Variants in PTPRK observed in about 807,000 individuals in gnomAD.
The protein encoded by PTPRK is protein tyrosine phosphatase receptor type K.
A neutral mutation model predicts 178.0 loss-of-function variants in PTPRK; 75 were observed. The observed-to-expected ratio is 0.42, with a 90% CI of 0.35 to 0.51. The LOEUF (loss-of-function observed/expected upper bound fraction) is 0.51, where lower values mean the gene tolerates loss of function less well. Ranked by LOEUF, PTPRK falls within the 20% of genes least tolerant of loss-of-function variation. The pLI is 0.02. For missense variants in PTPRK, 1,441 were observed against 1,797.8 expected (o/e 0.80, Z 3.59); for synonymous variants, 637 against 620.6 (o/e 1.03, Z -0.39).
chr6:128,223,428 G>C (rs1342186597), intron 5 of PTPRK, among the ~76,000 whole-genome samples: 2 of 151,862 alleles, frequency 1.3e-5, no homozygotes, highest in Non-Finnish European at 2.9e-5. Context: ...ACAACTCAGA[G>C]AGGCTGAGGG....
At chr6:128,195,726 C>T (rs934264608) in intron 6 of PTPRK, among the ~76,000 whole-genome samples, 2 of 151,966 alleles carry the variant, frequency 1.3e-5, no homozygotes, top group Non-Finnish European at 2.9e-5. Flanking sequence ...AACTCCAAAG[C>T]AGTCATAGTT....
intron 2 of PTPRK, among the ~76,000 whole-genome samples, chr6:128,391,242 T>C (rs1839514235): frequency 3.9e-5 from 6 of 152,174 alleles, no homozygotes; most frequent in Admixed American, 3.3e-4. Flanking sequence ...CTATATCCAG[T>C]ACTTTTTGAG....
chr6:128,055,060 A>G (rs1779669264), intron 13 of PTPRK, among the ~76,000 whole-genome samples: 1 of 152,206 alleles, frequency 6.6e-6, no homozygotes, highest in Non-Finnish European at 1.5e-5. Context: ...AGTTAAAAAA[A>G]TCCTATCACA....
At chr6:128,510,254 T>C (rs1856974861) in intron 1 of PTPRK, among the ~76,000 whole-genome samples, 1 of 152,194 alleles carries the variant, frequency 6.6e-6, no homozygotes. Context: ...TGGCCTCAAC[T>C]GGCACAGCCA....
At chr6:128,450,567 C>T (rs1847659021) in intron 1 of PTPRK, among the ~76,000 whole-genome samples, 2 of 152,132 alleles carry the variant, frequency 1.3e-5, no homozygotes, top group South Asian at 4.1e-4. Context: ...AGGTCAAAAC[C>T]ATTTCCACGT....
intron 1 of PTPRK, among the ~76,000 whole-genome samples, chr6:128,437,054 T>C (rs1435717320): frequency 6.6e-6 from 1 of 152,166 alleles, no homozygotes; most frequent in Non-Finnish European, 1.5e-5. Flanking sequence ...TCACTCCATC[T>C]TGAATGAAGG....
intron 1 of PTPRK, among the ~76,000 whole-genome samples, chr6:128,517,554 C>T (rs1292454518): frequency 6.6e-6 from 1 of 152,064 alleles, no homozygotes. Context: ...ATTTACAGAA[C>T]GTTCTGGTTT....
At chr6:127,970,402 C>T (rs1773772812) in intron 29 of PTPRK, 122 bp from the exon 30 acceptor site, 3 of 650,586 alleles carry the variant, frequency 4.6e-6, no homozygotes, top group Non-Finnish European at 7.4e-6. Context: ...TTTATTTTTT[C>T]TATATATGAG....
At chr6:128,406,058 A>G (rs1017965840) in intron 1 of PTPRK, among the ~76,000 whole-genome samples, 1 of 151,904 alleles carries the variant, frequency 6.6e-6, no homozygotes, top group African/African-American at 2.4e-5. Flanking sequence ...AGAGTTGGAG[A>G]CTACCCTGGG....
At chr6:128,428,351 A>C (rs1299479166) in intron 1 of PTPRK, among the ~76,000 whole-genome samples, 1 of 152,232 alleles carries the variant, frequency 6.6e-6, no homozygotes, top group African/African-American at 2.4e-5. Flanking sequence ...GCACATCATT[A>C]GTAGACTACT....
chr6:128,050,490 CTTTA>C (rs1200232317), intron 13 of PTPRK, among the ~76,000 whole-genome samples: 2 of 152,148 alleles, frequency 1.3e-5, no homozygotes, highest in East Asian at 1.9e-4. Flanking sequence ...TTCTCAGTGA[CTTTA>C]TTTGTCTCAA....
chr6:128,479,927 C>G (rs1277876186), intron 1 of PTPRK, among the ~76,000 whole-genome samples: 1 of 152,112 alleles, frequency 6.6e-6, no homozygotes, highest in Non-Finnish European at 1.5e-5. Flanking sequence ...AAGGCAGTTG[C>G]CCAGAATCCA....
At chr6:128,247,505 G>T (rs900349150) in intron 3 of PTPRK, among the ~76,000 whole-genome samples, 1 of 151,968 alleles carries the variant, frequency 6.6e-6, no homozygotes, top group Non-Finnish European at 1.5e-5. Flanking sequence ...TTTTTGTAGA[G>T]ACGGGGTTTT....
Position 128,115,246 on chromosome 6 carries a change from A to G in PTPRK, c.1163-25254T>C, listed in dbSNP as rs563200311. Among the ~76,000 whole-genome samples the G allele has an allele frequency of 3.4e-4, 52 of 152,208 alleles. 1 individual carries two copies. The highest frequency in any genetic ancestry group is 6.3e-4 in the Non-Finnish European group (43 of 67,986). On this transcript the variant is annotated intron_variant, in intron 7 of 29. Coordinates refer to ENST00000368226, the MANE Select transcript of PTPRK (RefSeq NM_002844.4). ...CATTTACTCTTGGTTTCTAAGTCAA[A>G]CACATATGTCCCCTAGGATCCTCTG...
chr6:128,134,683 C>T (rs566483716), intron 7 of PTPRK, among the ~76,000 whole-genome samples: 14 of 152,124 alleles, frequency 9.2e-5, no homozygotes, highest in Admixed American at 9.2e-4. Context: ...TGGTGGTGCA[C>T]ACCTATAGTC....
chr6:128,453,601 C>T (rs995124828), intron 1 of PTPRK, among the ~76,000 whole-genome samples: 14 of 152,132 alleles, frequency 9.2e-5, no homozygotes, highest in African/African-American at 3.4e-4. Flanking sequence ...GAAGCACCTC[C>T]CAAAACTCCC....
intron 3 of PTPRK, among the ~76,000 whole-genome samples, chr6:128,299,786 C>CT (rs1825234856): frequency 6.6e-6 from 1 of 152,106 alleles, no homozygotes; most frequent in Non-Finnish European, 1.5e-5. Context: ...AAAACCTAGG[C>CT]ATTACCATTC....
intron 3 of PTPRK, among the ~76,000 whole-genome samples, chr6:128,273,236 C>A (rs1283879502): frequency 6.6e-6 from 1 of 151,840 alleles, no homozygotes; most frequent in Admixed American, 6.6e-5. Context: ...GGAGGGATAG[C>A]ATTAGGAGAA....
intron 8 of PTPRK, among the ~76,000 whole-genome samples, chr6:128,088,396 AG>A (rs1001629723): frequency 1.3e-5 from 2 of 151,700 alleles, no homozygotes; most frequent in Non-Finnish European, 2.9e-5. Flanking sequence ...AGAAAAGAAA[AG>A]AAAAAAAATG....
Sources: allele counts gnomAD v4.1 joint callset (sites outside exome capture counted in the v4.1 genomes callset), GRCh38; gene constraint gnomAD v4.1.1; transcripts MANE v1.5; gene names NCBI Gene and HGNC (gene_info 2026-07-23, HGNC 2026-07-21).